GALNTL6: variants seen among roughly 807,000 people sequenced by gnomAD.
GALNTL6 encodes the protein polypeptide N-acetylgalactosaminyltransferase like 6.
Under a neutral mutation model 73.7 loss-of-function variants are expected in GALNTL6, and 46 were observed. The ratio of observed to expected loss-of-function variants is 0.62; its 90% CI spans 0.49 to 0.80. GALNTL6 has a LOEUF of 0.80. Among genes scored for constraint, GALNTL6 ranks in the 30% least tolerant of loss-of-function variants. The probability of loss-of-function intolerance (pLI) is 0.00; values close to 1 mark genes in which losing one functional copy is unlikely to be tolerated. For synonymous variants in GALNTL6, 259 were observed against 263.7 expected (o/e 0.98, Z 0.17); for missense variants, 604 against 755.0 (o/e 0.80, Z 2.34).
chr4:172,480,250 T>C (rs1400663710), intron 5 of GALNTL6, among the ~76,000 whole-genome samples: 1 of 151,928 alleles, frequency 6.6e-6, no homozygotes, highest in African/African-American at 2.4e-5. Flanking sequence ...GAGTTCGAGG[T>C]TGCCATGAGT....
intron 2 of GALNTL6, among the ~76,000 whole-genome samples, chr4:172,207,008 G>C (rs1045632181): frequency 6.6e-6 from 1 of 150,730 alleles, no homozygotes; most frequent in East Asian, 2.0e-4. Flanking sequence ...TAGTAGAGGC[G>C]GGGTTTCACC....
intron 2 of GALNTL6, among the ~76,000 whole-genome samples, chr4:172,184,227 G>A (rs1321677614): frequency 6.6e-6 from 1 of 152,182 alleles, no homozygotes; most frequent in Admixed American, 6.5e-5. Context: ...CATTGGTAGT[G>A]GTCCCCCTCT....
intron 12 of GALNTL6, among the ~76,000 whole-genome samples, chr4:173,026,223 G>A (rs1753225251): frequency 6.6e-6 from 1 of 152,180 alleles, no homozygotes; most frequent in Admixed American, 6.5e-5. Context: ...GTGAAATGGA[G>A]GAGATATCAG....
At chr4:172,293,169 T>G (rs140644975) in intron 3 of GALNTL6, among the ~76,000 whole-genome samples, 1 of 152,170 alleles carries the variant, frequency 6.6e-6, no homozygotes, top group South Asian at 2.1e-4. Context: ...TCCAACCACA[T>G]TGGCCTTGAT....
chr4:172,484,548 T>G (rs1240078394), intron 5 of GALNTL6, among the ~76,000 whole-genome samples: 2 of 152,174 alleles, frequency 1.3e-5, no homozygotes, highest in East Asian at 3.9e-4. Flanking sequence ...TTTAATGATT[T>G]TTTTTCTGGA....
At chr4:172,228,213 C>T (rs1043434325) in intron 2 of GALNTL6, among the ~76,000 whole-genome samples, 3 of 151,752 alleles carry the variant, frequency 2.0e-5, no homozygotes, top group African/African-American at 4.8e-5. Flanking sequence ...TTACTTTTAC[C>T]ATGTCATTTT....
chr4:172,332,877 A>G (rs568673253), intron 4 of GALNTL6, among the ~76,000 whole-genome samples: 1 of 152,304 alleles, frequency 6.6e-6, no homozygotes, highest in East Asian at 1.9e-4. Context: ...AGAAATCGTC[A>G]TACTGTTTTC....
At chr4:172,023,041 ATCT>A (rs1172867772) in intron 2 of GALNTL6, among the ~76,000 whole-genome samples, 1 of 151,970 alleles carries the variant, frequency 6.6e-6, no homozygotes, top group Middle Eastern at 3.2e-3. Flanking sequence ...GCAAGAATCC[ATCT>A]TCTTTTCAAT....
chr4:171,921,752 C>T (rs770764650), intron 2 of GALNTL6, among the ~76,000 whole-genome samples: 86 of 151,980 alleles, frequency 5.7e-4, no homozygotes, highest in Non-Finnish European at 1.0e-3. Context: ...TAAGATACCC[C>T]TGACAAGTAG....
At chr4:171,994,793 A>G (rs1740440058) in intron 2 of GALNTL6, among the ~76,000 whole-genome samples, 1 of 152,108 alleles carries the variant, frequency 6.6e-6, no homozygotes, top group African/African-American at 2.4e-5. Flanking sequence ...CAGAAAACTC[A>G]GAGGCCATAA....
intron 10 of GALNTL6, among the ~76,000 whole-genome samples, chr4:172,963,567 AATGAATGAAAG>A (rs1190872451): frequency 1.3e-5 from 2 of 152,194 alleles, no homozygotes; most frequent in Non-Finnish European, 2.9e-5. Flanking sequence ...ATATTTGTTG[AATGAATGAAAG>A]ATGAATGAAT....
At chr4:172,130,465 C>G (rs1249480234) in intron 2 of GALNTL6, among the ~76,000 whole-genome samples, 1 of 151,484 alleles carries the variant, frequency 6.6e-6, no homozygotes, top group African/African-American at 2.4e-5. Context: ...ATTGTAAGTG[C>G]TAAGTATACA....
At chr4:172,264,837 A>G (rs1738397397) in intron 3 of GALNTL6, among the ~76,000 whole-genome samples, 1 of 150,674 alleles carries the variant, frequency 6.6e-6, no homozygotes, top group South Asian at 2.1e-4. Flanking sequence ...TATACTAGCT[A>G]TCTCACTTTT....
intron 5 of GALNTL6, among the ~76,000 whole-genome samples, chr4:172,607,707 C>T (rs1738360371): frequency 6.6e-6 from 1 of 152,192 alleles, no homozygotes; most frequent in Non-Finnish European, 1.5e-5. Flanking sequence ...TTTACATTCC[C>T]ACCAGCAGTG....
chr4:172,302,498 G>T (rs926280909), intron 3 of GALNTL6, among the ~76,000 whole-genome samples: 2 of 152,070 alleles, frequency 1.3e-5, no homozygotes, highest in East Asian at 3.9e-4. Context: ...TTCCTATTAG[G>T]CCATCTTGGC....
At position 173,021,529 on chromosome 4, in the gene GALNTL6, C is replaced by G. The variant is rs1752990378; in HGVS notation, c.1542C>G (p.Thr514=). 6.2e-7 allele frequency: 1 copy of G among 1,614,044 alleles called. No homozygotes were observed. The highest frequency in any genetic ancestry group is 2.2e-5 in the East Asian group (1 of 44,876). The change falls in exon 12 of 13, where the codon ACC becomes ACG. Residue 514 remains threonine (T), a synonymous_variant. Coordinates refer to ENST00000506823, the MANE Select transcript of GALNTL6 (RefSeq NM_001034845.3). ...TTCGACCCGGTGAGCCACTGCATACCCGGAAATTCTGCTTTGATGCGATCT... is the reference window on the plus strand; with the variant it reads ...TTCGACCCGGTGAGCCACTGCATACGCGGAAATTCTGCTTTGATGCGATCT... ...EDIRPGEPLH[T]RKFCFDAISH...
At chr4:172,370,885 ACTGT>A (rs925996174) in intron 5 of GALNTL6, among the ~76,000 whole-genome samples, 1 of 152,110 alleles carries the variant, frequency 6.6e-6, no homozygotes, top group African/African-American at 2.4e-5. Context: ...TTTCTTGCAA[ACTGT>A]CTGAGAAATC....
chr4:172,374,847 C>T (rs528177882), intron 5 of GALNTL6, among the ~76,000 whole-genome samples: 6 of 152,248 alleles, frequency 3.9e-5, no homozygotes, highest in East Asian at 1.9e-4. Context: ...TCTCTCCAAG[C>T]GAGGTTGAAG....
At chr4:171,834,137 G>A (rs923849520) in intron 2 of GALNTL6, among the ~76,000 whole-genome samples, 6 of 151,926 alleles carry the variant, frequency 3.9e-5, no homozygotes, top group Non-Finnish European at 7.4e-5. Context: ...AGATGCTATA[G>A]TGTAAAACAT....
Sources: allele counts gnomAD v4.1 joint callset (sites outside exome capture counted in the v4.1 genomes callset), GRCh38; gene constraint gnomAD v4.1.1; transcripts MANE v1.5; gene names NCBI Gene and HGNC (gene_info 2026-07-23, HGNC 2026-07-21).